The following LNX1 variants were observed in gnomAD, a reference collection of about 807,000 sequenced individuals.
The protein encoded by LNX1 is ligand of numb-protein X 1.
LNX1 carries 54 observed loss-of-function variants against 68.4 expected under a neutral mutation model. The ratio of observed to expected loss-of-function variants is 0.79; its 90% CI spans 0.63 to 0.99. The LOEUF is 0.99. Among genes scored for constraint, LNX1 ranks in the 50% least tolerant of loss-of-function variants. The pLI, the probability that LNX1 is intolerant of heterozygous loss-of-function variation, is 0.00. For missense variants in LNX1, 906 were observed against 926.4 expected (o/e 0.98, Z 0.29); for synonymous variants, 336 against 350.0 (o/e 0.96, Z 0.45).
chr4:53,624,493 GT>G (rs1225512523), intron 1 of LNX1, among the ~76,000 whole-genome samples: 1 of 152,194 alleles, frequency 6.6e-6, no homozygotes, highest in African/African-American at 2.4e-5. Flanking sequence ...ACATGCAACT[GT>G]GAGTCCATTA....
intron 2 of LNX1, among the ~76,000 whole-genome samples, chr4:53,550,865 G>T (rs376440792): frequency 6.6e-6 from 1 of 152,202 alleles, no homozygotes; most frequent in African/African-American, 2.4e-5. Context: ...ATACTGAAAA[G>T]CCAGACCAGG....
chr4:53,641,898 C>T (rs1238112049), intron 1 of LNX1, among the ~76,000 whole-genome samples: 1 of 152,166 alleles, frequency 6.6e-6, no homozygotes, highest in African/African-American at 2.4e-5. Context: ...TGTGTGGACA[C>T]AGCACAGTCT....
chr4:53,463,398 G>T (rs1424359289), intron 9 of LNX1, among the ~76,000 whole-genome samples: 1 of 150,172 alleles, frequency 6.7e-6, no homozygotes, highest in Non-Finnish European at 1.5e-5. Context: ...GGTGTTTTGA[G>T]TATTTAACTT....
At chr4:53,553,006 C>T (rs1181904839) in intron 2 of LNX1, among the ~76,000 whole-genome samples, 1 of 152,098 alleles carries the variant, frequency 6.6e-6, no homozygotes, top group Non-Finnish European at 1.5e-5. Flanking sequence ...CCGTAGAAAC[C>T]AACCAGGGTC....
chr4:53,487,635 C>T (rs1724398676), intron 6 of LNX1, among the ~76,000 whole-genome samples: 1 of 152,146 alleles, frequency 6.6e-6, no homozygotes, highest in Non-Finnish European at 1.5e-5. Context: ...ACATAGCTTC[C>T]TTTATAGCAT....
At chr4:53,611,786 C>T (rs1389166605) in intron 2 of LNX1, among the ~76,000 whole-genome samples, 3 of 152,088 alleles carry the variant, frequency 2.0e-5, no homozygotes, top group Non-Finnish European at 2.9e-5. Context: ...TAAACCAAAG[C>T]TCTTACCAAG....
Position 53,476,013 on chromosome 4 carries a change from C to T in LNX1, c.1892+740G>A, listed in dbSNP as rs1221752839. Among the ~76,000 whole-genome samples, 4 of 152,142 alleles carry T rather than the reference C, an allele frequency of 2.6e-5. No homozygotes were observed. In the East Asian group the frequency reaches 5.8e-4, roughly 22 times the overall value. ...AGCCAAGGCCACTCAAAAGATAAAACTGGCTGGACATGGTGGCTCACACCT... is the reference window on the plus strand; with the variant it reads ...AGCCAAGGCCACTCAAAAGATAAAATTGGCTGGACATGGTGGCTCACACCT... On this transcript the variant is annotated intron_variant, in intron 9 of 10. Coordinates refer to ENST00000263925, the MANE Select transcript of LNX1 (RefSeq NM_001126328.3).
At chr4:53,621,101 C>A (rs1560696875), upstream of LNX1, among the ~76,000 whole-genome samples, 1 of 152,178 alleles carries the variant, frequency 6.6e-6, no homozygotes, top group Non-Finnish European at 1.5e-5. Flanking sequence ...GGCACGGTGA[C>A]ATCACCTGGG....
intron 5 of LNX1, chr4:53,496,646 A>C (rs748382388): frequency 9.8e-6 from 4 of 408,202 alleles, no homozygotes; most frequent in Non-Finnish European, 1.7e-5. Context: ...CCAAGCCCAC[A>C]TATTTATTCC....
At chr4:53,545,047 C>A (rs1317153118) in intron 2 of LNX1, among the ~76,000 whole-genome samples, 6 of 152,188 alleles carry the variant, frequency 3.9e-5, no homozygotes, top group African/African-American at 1.2e-4. Flanking sequence ...ACTGCACCAG[C>A]ATCTAAGAGG....
chr4:53,604,731 T>C (rs945652012), intron 2 of LNX1, among the ~76,000 whole-genome samples: 1 of 152,232 alleles, frequency 6.6e-6, no homozygotes, highest in Non-Finnish European at 1.5e-5. Flanking sequence ...TTGTTTCTCA[T>C]ATAATGAACT....
chr4:53,552,629 G>A (rs141038361), intron 2 of LNX1, among the ~76,000 whole-genome samples: 1 of 152,054 alleles, frequency 6.6e-6, no homozygotes, highest in Admixed American at 6.5e-5. Flanking sequence ...AGGAGTTCGA[G>A]ACCAGCCTGA....
intron 2 of LNX1, among the ~76,000 whole-genome samples, chr4:53,535,072 T>C (rs1728273347): frequency 6.6e-6 from 1 of 152,020 alleles, no homozygotes. Flanking sequence ...TTATGAATCC[T>C]CCTTGCTATA....
chr4:53,480,299 C>T lies in LNX1; in HGVS notation c.1485+1421G>A, dbSNP rs552797761. On this transcript the variant is annotated intron_variant, in intron 7 of 10. Coordinates refer to ENST00000263925, the MANE Select transcript of LNX1 (RefSeq NM_001126328.3). ...GTTTGCACGTTTCCAGGAATTAAGACATATGACAGAGGGTTGCAGCAGAAA... is the reference window on the plus strand; with the variant it reads ...GTTTGCACGTTTCCAGGAATTAAGATATATGACAGAGGGTTGCAGCAGAAA... Among the ~76,000 whole-genome samples, 9 of 152,242 alleles carry T rather than the reference C, an allele frequency of 5.9e-5. No homozygotes were observed. In the South Asian group the frequency reaches 1.9e-3, roughly 32 times the overall value.
chr4:53,576,289 C>T (rs1731486820), intron 1 of LNX1: 2 of 1,612,884 alleles, frequency 1.2e-6, no homozygotes, highest in East Asian at 4.5e-5. Flanking sequence ...CTTCGAGGTC[C>T]CCATAGCCAA....
At chr4:53,576,537 T>C in intron 1 of LNX1, 1 of 993,250 alleles carries the variant, frequency 1.0e-6, no homozygotes, top group Non-Finnish European at 1.3e-6. Context: ...TATTTTAGGT[T>C]GGGCATTTTC....
chr4:53,510,775 A>G (rs1726272468), intron 2 of LNX1, among the ~76,000 whole-genome samples: 1 of 152,206 alleles, frequency 6.6e-6, no homozygotes, highest in Admixed American at 6.5e-5. Context: ...GGAGGCAGCA[A>G]TGCTCTTGAC....
At chr4:53,615,244 A>G (rs1338589150) in intron 2 of LNX1, among the ~76,000 whole-genome samples, 1 of 152,170 alleles carries the variant, frequency 6.6e-6, no homozygotes, top group Non-Finnish European at 1.5e-5. Flanking sequence ...GTGGTTTCTT[A>G]TGCAGCAGTA....
At chr4:53,581,168 A>G (rs1260863174) in intron 1 of LNX1, among the ~76,000 whole-genome samples, 5 of 152,200 alleles carry the variant, frequency 3.3e-5, no homozygotes, top group Non-Finnish European at 5.9e-5. Context: ...GGACCATGAC[A>G]GTTGTACCCT....
Sources: gnomAD v4.1 joint callset for allele counts (sites outside exome capture counted in the v4.1 genomes callset) on GRCh38, gnomAD v4.1.1 for gene constraint, MANE v1.5 for transcripts, NCBI Gene and HGNC (gene_info 2026-07-23, HGNC 2026-07-21) for gene names.